The following EFCAB11 variants were observed in gnomAD, a reference collection of about 807,000 sequenced individuals.
EFCAB11 encodes EF-hand calcium binding domain 11.
A neutral mutation model predicts 23.0 loss-of-function variants in EFCAB11; 14 were observed. The observed-to-expected ratio is 0.61, with a 90% confidence interval of 0.40 to 0.95. The LOEUF is 0.95. Ranked by LOEUF, EFCAB11 falls within the 40% of genes least tolerant of loss-of-function variation. EFCAB11 has a pLI of 0.00. For missense variants in EFCAB11, 198 were observed against 195.8 expected (o/e 1.01, Z -0.07); for synonymous variants, 65 against 66.6 (o/e 0.98, Z 0.11).
chr14:89,815,047 G>A (rs1343141403), intron 5 of EFCAB11, among the ~76,000 whole-genome samples: 1 of 152,180 alleles, frequency 6.6e-6, no homozygotes, highest in Non-Finnish European at 1.5e-5. Flanking sequence ...GGGATAAACT[G>A]TAGGATTAGG....
chr14:89,884,999 G>A lies in EFCAB11; in HGVS notation c.410+46542C>T, dbSNP rs73320738. Among the ~76,000 whole-genome samples, 948 of 152,270 alleles carry A rather than the reference G, an allele frequency of 6.2e-3. 7 individuals are homozygous for A. Among genetic ancestry groups the A allele is most frequent in the African/African-American group, 0.021 (883 of 41,562 alleles). ...ATGCTGGCATCTGATTGCAGACTTC[G>A]CAGTCTTAAGAACTGTGAGAAAATA... On this transcript the variant is annotated intron_variant, in intron 5 of 5. Coordinates refer to ENST00000316738, the MANE Select transcript of EFCAB11 (RefSeq NM_145231.4).
intron 5 of EFCAB11, among the ~76,000 whole-genome samples, chr14:89,919,955 T>G (rs555534804): frequency 2.6e-4 from 39 of 152,332 alleles, no homozygotes; most frequent in African/African-American, 9.4e-4. Flanking sequence ...GATTAAAGAC[T>G]CTTCCAAGTG....
intron 5 of EFCAB11, among the ~76,000 whole-genome samples, chr14:89,850,234 G>C (rs1887562274): frequency 6.6e-6 from 1 of 152,038 alleles, no homozygotes; most frequent in African/African-American, 2.4e-5. Flanking sequence ...ATGGTCCTGT[G>C]CACACACACA....
intron 5 of EFCAB11, among the ~76,000 whole-genome samples, chr14:89,834,403 A>AAACC (rs67216494): frequency 3.0e-5 from 3 of 101,396 alleles, no homozygotes; most frequent in Non-Finnish European, 3.9e-5. Flanking sequence ...AAAAAAAAAA[A>AAACC]CCTTTTTGTT....
intron 5 of EFCAB11, among the ~76,000 whole-genome samples, chr14:89,831,584 T>C (rs974186365): frequency 6.6e-6 from 1 of 152,202 alleles, no homozygotes; most frequent in African/African-American, 2.4e-5. Flanking sequence ...TGCATGTATA[T>C]ATTAGTTTAC....
At chr14:89,949,317 C>T (rs149520257) in intron 3 of EFCAB11, among the ~76,000 whole-genome samples, 53 of 151,982 alleles carry the variant, frequency 3.5e-4, no homozygotes, top group East Asian at 5.8e-4. Context: ...TTTTGGACAA[C>T]GGGAAACAAA....
intron 5 of EFCAB11, among the ~76,000 whole-genome samples, chr14:89,866,367 G>T (rs949021176): frequency 6.6e-6 from 1 of 152,182 alleles, no homozygotes; most frequent in Non-Finnish European, 1.5e-5. Flanking sequence ...AGAAGCTGTT[G>T]CTCCCCTGCT....
At chr14:89,819,172 A>G (rs1199583177) in intron 5 of EFCAB11, among the ~76,000 whole-genome samples, 3 of 152,238 alleles carry the variant, frequency 2.0e-5, no homozygotes, top group African/African-American at 7.2e-5. Flanking sequence ...GCAATGGAAA[A>G]GGAATGAACT....
intron 5 of EFCAB11, among the ~76,000 whole-genome samples, chr14:89,908,016 C>G (rs1390452605): frequency 1.3e-5 from 2 of 152,240 alleles, no homozygotes. Flanking sequence ...TTATCACTCC[C>G]TCACATCTAT....
chr14:89,861,612 A>T (rs1887924041), intron 5 of EFCAB11, among the ~76,000 whole-genome samples: 1 of 152,150 alleles, frequency 6.6e-6, no homozygotes, highest in Non-Finnish European at 1.5e-5. Flanking sequence ...CCCAAATTTC[A>T]TGTGTTGGAA....
At chr14:89,844,058 TGTCA>T (rs762098448) in intron 5 of EFCAB11, among the ~76,000 whole-genome samples, 27 of 152,254 alleles carry the variant, frequency 1.8e-4, no homozygotes, top group Non-Finnish European at 3.1e-4. Flanking sequence ...GTAGTTTGTC[TGTCA>T]GTCACTCTTT....
At chr14:89,836,529 C>G (rs1183635605) in intron 5 of EFCAB11, 1 of 456,534 alleles carries the variant, frequency 2.2e-6, no homozygotes, top group Admixed American at 2.3e-5. Flanking sequence ...GTGTAAGGCT[C>G]TTCACCATGG....
At chr14:89,869,080 G>C (rs1456118326) in intron 5 of EFCAB11, among the ~76,000 whole-genome samples, 2 of 152,064 alleles carry the variant, frequency 1.3e-5, no homozygotes, top group African/African-American at 4.8e-5. Flanking sequence ...GTACACATCT[G>C]TGTTCCCAGC....
At position 89,954,653 on chromosome 14, in the gene EFCAB11, A is replaced by G. The variant is rs1891388872; in HGVS notation, c.8T>C (p.Phe3Ser). The change falls in exon 1 of 6, where the codon TTC (phenylalanine) becomes TCC (serine). Residue 3 changes from phenylalanine (F) to serine (S), a missense_variant. Phe to Ser is a radical substitution (Grantham distance 155, BLOSUM62 -2). Transcript: ENST00000316738. MF[F>S]SEARARSRTW... The stretch of plus-strand genomic sequence containing the variant: ...CCGCGACCTGGCTCTGGCCTCGGAG[A>G]AGAACATCGCGACTACAACAACCGA... 7.4e-6 allele frequency: 12 copies of G among 1,612,198 alleles called. No homozygotes were observed. Among genetic ancestry groups the G allele is most frequent in the Non-Finnish European group, 1.0e-5 (12 of 1,179,700 alleles).
chr14:89,869,588 C>T (rs1381780152), intron 5 of EFCAB11, among the ~76,000 whole-genome samples: 2 of 152,172 alleles, frequency 1.3e-5, no homozygotes, highest in Non-Finnish European at 2.9e-5. Context: ...TCCACAGGAC[C>T]GAGTGTGCAC....
chr14:89,812,755 T>C (rs1886187835), intron 5 of EFCAB11, among the ~76,000 whole-genome samples: 1 of 152,228 alleles, frequency 6.6e-6, no homozygotes, highest in Admixed American at 6.5e-5. Flanking sequence ...CATCACCCCA[T>C]GCTATATACC....
At chr14:89,872,993 A>T (rs1888329069) in intron 5 of EFCAB11, among the ~76,000 whole-genome samples, 1 of 152,194 alleles carries the variant, frequency 6.6e-6, no homozygotes, top group African/African-American at 2.4e-5. Flanking sequence ...ACTGTAAGAA[A>T]ATAAATTTTG....
At chr14:89,831,142 C>G (rs1886870443) in intron 5 of EFCAB11, 1 of 152,354 alleles carries the variant, frequency 6.6e-6, no homozygotes. Flanking sequence ...GAGAGGTGGT[C>G]AGAGTCGAGA....
At chr14:89,852,834 G>A (rs769887870) in intron 5 of EFCAB11, among the ~76,000 whole-genome samples, 17 of 151,860 alleles carry the variant, frequency 1.1e-4, no homozygotes, top group Non-Finnish European at 2.4e-4. Context: ...TGCAACCATC[G>A]TGCAACCCAC....
Sources: allele counts gnomAD v4.1 joint callset (sites outside exome capture counted in the v4.1 genomes callset), GRCh38; gene constraint gnomAD v4.1.1; transcripts MANE v1.5; gene names NCBI Gene and HGNC (gene_info 2026-07-23, HGNC 2026-07-21).